The following PABIR3 variants were observed in gnomAD, a reference collection of about 807,000 sequenced individuals.
PABIR3 encodes the protein PABIR family member 3.
Under a neutral mutation model 23.1 loss-of-function variants are expected in PABIR3, and 20 were observed. That is an observed-to-expected ratio of 0.86 (90% confidence interval 0.61 to 1.26). The LOEUF (loss-of-function observed/expected upper bound fraction) is 1.26, where lower values mean the gene tolerates loss of function less well. Among genes scored for constraint, PABIR3 ranks in the 50% most tolerant of loss-of-function variants. The pLI is 0.00. For synonymous variants in PABIR3, 69 were observed against 68.5 expected (o/e 1.01, Z -0.04); for missense variants, 189 against 195.4 (o/e 0.97, Z 0.20).
intron 3 of PABIR3, among the ~76,000 whole-genome samples, chrX:134,818,204 A>C (rs750037528): frequency 8.9e-6 from 1 of 111,785 alleles, no homozygotes; most frequent in African/African-American, 3.2e-5. Context: ...GGACCTGTAA[A>C]CTAGTGATGT....
chrX:134,819,294 T>C (rs1018240767), intron 3 of PABIR3, among the ~76,000 whole-genome samples: 1 of 111,589 alleles, frequency 9.0e-6, no homozygotes, highest in African/African-American at 3.3e-5. Context: ...CTAATTTGCA[T>C]AACGTTCAGT....
intron 3 of PABIR3, 29 bp from the exon 4 acceptor site, chrX:134,829,197 A>C (rs1314983539): frequency 8.6e-7 from 1 of 1,163,518 alleles, no homozygotes; most frequent in Admixed American, 2.2e-5. Context: ...ACATTAAAGC[A>C]AGCTTGACTT....
chrX:134,828,075 A>C (rs2081604210), intron 3 of PABIR3, among the ~76,000 whole-genome samples: 1 of 95,200 alleles, frequency 1.1e-5, no homozygotes, highest in Admixed American at 1.2e-4. Context: ...ATATATGTAT[A>C]TTTGTAAAGG....
At chrX:134,815,860 T>C (rs780701103) in intron 3 of PABIR3, among the ~76,000 whole-genome samples, 2 of 110,179 alleles carry the variant, frequency 1.8e-5, no homozygotes, top group South Asian at 7.8e-4. Flanking sequence ...TTTGTATTTT[T>C]AGTAGAGACA....
chrX:134,848,247 G>A (rs758658701), intron 8 of PABIR3, among the ~76,000 whole-genome samples: 2 of 109,970 alleles, frequency 1.8e-5, no homozygotes, highest in East Asian at 2.9e-4. Flanking sequence ...AAAAATAGCC[G>A]GGCATGGTGG....
intron 1 of PABIR3, among the ~76,000 whole-genome samples, chrX:134,801,440 C>T (rs745967304): frequency 1.8e-5 from 2 of 112,456 alleles, no homozygotes; most frequent in East Asian, 5.6e-4. Context: ...TGGAAGCTAG[C>T]CAAAGCAGAA....
At chrX:134,797,507 T>G (rs2079925514) in intron 1 of PABIR3, among the ~76,000 whole-genome samples, 2 of 112,578 alleles carry the variant, frequency 1.8e-5, no homozygotes, top group African/African-American at 6.4e-5. Context: ...TCCCCACTCA[T>G]GCCTTAAATC....
upstream of PABIR3, among the ~76,000 whole-genome samples, chrX:134,806,777 T>A (rs2080257314): frequency 1.0e-5 from 1 of 99,286 alleles, no homozygotes; most frequent in Non-Finnish European, 2.0e-5. Context: ...GGTAGCAGTA[T>A]CTTTTTTTTT....
chrX:134,855,477 G>C (rs2082744985), downstream of PABIR3, among the ~76,000 whole-genome samples: 1 of 111,575 alleles, frequency 9.0e-6, no homozygotes, highest in African/African-American at 3.3e-5. Context: ...TAAGTAATTG[G>C]GGGTAGTATT....
chrX:134,833,204 T>C (rs2081868206), intron 4 of PABIR3: 1 of 111,620 alleles, frequency 9.0e-6, no homozygotes, highest in South Asian at 3.7e-4. Context: ...AAACATGGAA[T>C]ATAGAATCTT....
intron 3 of PABIR3, chrX:134,821,223 A>C: frequency 1.3e-6 from 1 of 750,214 alleles, no homozygotes; most frequent in Non-Finnish European, 1.8e-6. Context: ...AAAAATAAAG[A>C]TGCGTATTTT....
chrX:134,814,917 C>T, intron 3 of PABIR3, 68 bp downstream of exon 3: 1 of 824,733 alleles, frequency 1.2e-6, no homozygotes, highest in East Asian at 3.4e-5. Flanking sequence ...CAATGGTCTT[C>T]AAACTTGAGC....
intron 8 of PABIR3, among the ~76,000 whole-genome samples, chrX:134,848,556 C>T (rs1465737625): frequency 8.9e-6 from 1 of 112,208 alleles, no homozygotes; most frequent in African/African-American, 3.2e-5. Context: ...GAACTTTAAA[C>T]AACTTCATCC....
At chrX:134,800,125 C>T (rs991493645) in intron 1 of PABIR3, among the ~76,000 whole-genome samples, 42 of 109,022 alleles carry the variant, frequency 3.9e-4, no homozygotes, top group African/African-American at 1.4e-3. Flanking sequence ...ATGGTGAAAC[C>T]CTGTCTATAC....
At chrX:134,808,314 C>T (rs2080371180) in intron 2 of PABIR3, 2 of 290,568 alleles carry the variant, frequency 6.9e-6, no homozygotes, top group Non-Finnish European at 1.2e-5. Flanking sequence ...CTCAGCCTCC[C>T]TAGTAGCTAG....
At chrX:134,837,601 A>G (rs921681949) in intron 4 of PABIR3, among the ~76,000 whole-genome samples, 7 of 112,205 alleles carry the variant, frequency 6.2e-5, no homozygotes, top group African/African-American at 2.3e-4. Context: ...TGCTTCTTAC[A>G]GTTATAATGC....
chrX:134,819,147 G>C (rs1956568867), intron 3 of PABIR3, among the ~76,000 whole-genome samples: 1 of 108,816 alleles, frequency 9.2e-6, no homozygotes, highest in African/African-American at 3.4e-5. Flanking sequence ...ATATTGGCCA[G>C]GCTGGTCTCA....
chrX:134,843,109 A>G (rs761004332), intron 4 of PABIR3, among the ~76,000 whole-genome samples: 2 of 110,033 alleles, frequency 1.8e-5, no homozygotes, highest in African/African-American at 6.6e-5. Flanking sequence ...CTGAGACAGG[A>G]GAATCGCTTG....
chrX:134,808,879 C>T (rs1315606493), intron 2 of PABIR3, among the ~76,000 whole-genome samples: 1 of 111,955 alleles, frequency 8.9e-6, no homozygotes, highest in Non-Finnish European at 1.9e-5. Flanking sequence ...TCCTAAATTA[C>T]ACATTCTCAC....
Sources: gnomAD v4.1 joint callset for allele counts (sites outside exome capture counted in the v4.1 genomes callset) on GRCh38, gnomAD v4.1.1 for gene constraint, MANE v1.5 for transcripts, NCBI Gene and HGNC (gene_info 2026-07-23, HGNC 2026-07-21) for gene names.